The following SLC16A10 variants were observed in gnomAD, a reference collection of about 807,000 sequenced individuals.
SLC16A10 encodes the protein solute carrier family 16 member 10, also known as monocarboxylate transporter 10.
Under a neutral mutation model 40.0 loss-of-function variants are expected in SLC16A10, and 27 were observed. The ratio of observed to expected loss-of-function variants is 0.67; its 90% CI spans 0.50 to 0.93. SLC16A10 has a LOEUF of 0.93. Ranked by LOEUF, SLC16A10 falls within the 40% of genes least tolerant of loss-of-function variation. The pLI, the probability that SLC16A10 is intolerant of heterozygous loss-of-function variation, is 0.00. For missense variants in SLC16A10, 529 were observed against 658.2 expected, an observed-to-expected ratio of 0.80 and a Z score of 2.15; for synonymous variants, 213 against 249.8, an observed-to-expected ratio of 0.85 and a Z score of 1.39.
Position 111,096,631 on chromosome 6 carries a change from T to C in SLC16A10, c.343+8536T>C, listed in dbSNP as rs1583300111. On this transcript the variant is annotated intron_variant, in intron 1 of 5. Transcript: ENST00000368851. ...AGCAAAAGTAATTCCTCACCTTGCA[T>C]ATAGGAACTAAAAAAAAGTCGATGA... Among the ~76,000 whole-genome samples, 3 of 152,314 alleles carry C rather than the reference T, an allele frequency of 2.0e-5. No individual in the cohort carries two copies. The South Asian group carries it at 6.2e-4, about 32-fold the overall frequency.
chr6:111,130,655 C>T (rs570336521), intron 1 of SLC16A10, among the ~76,000 whole-genome samples: 1 of 152,338 alleles, frequency 6.6e-6, no homozygotes, highest in South Asian at 2.1e-4. Flanking sequence ...TCTGTTTCCT[C>T]GAGTGTGTTA....
At chr6:111,220,388 TC>T (rs1397844079) in intron 5 of SLC16A10, among the ~76,000 whole-genome samples, 1 of 152,232 alleles carries the variant, frequency 6.6e-6, no homozygotes, top group Non-Finnish European at 1.5e-5. Context: ...TATAAAGATG[TC>T]CTATGTTCAG....
chr6:111,179,566 AT>A (rs1484364066), intron 3 of SLC16A10, among the ~76,000 whole-genome samples: 11 of 152,342 alleles, frequency 7.2e-5, no homozygotes, highest in African/African-American at 2.6e-4. Context: ...GCCTAAGGAA[AT>A]TTAATAAGCA....
At chr6:111,114,143 A>G (rs552674688) in intron 1 of SLC16A10, among the ~76,000 whole-genome samples, 200 of 152,144 alleles carry the variant, frequency 1.3e-3, no homozygotes, top group African/African-American at 4.7e-3. Flanking sequence ...GTTTAAGTCA[A>G]GCATTTGAAC....
intron 1 of SLC16A10, among the ~76,000 whole-genome samples, chr6:111,089,946 T>TTTTTTTTTA (rs1562393211): frequency 8.0e-6 from 1 of 124,640 alleles, no homozygotes; most frequent in African/African-American, 3.2e-5. Flanking sequence ...TTTTTTTTTT[T>TTTTTTTTTA]GAGAGAGAGA....
rs374926181 is a variant in SLC16A10 at position 111,218,901 on chromosome 6, A to C, written c.1174A>C (p.Met392Leu). 1.0e-4 allele frequency: 162 copies of C among 1,613,834 alleles called. No individual in the cohort carries two copies. The highest frequency in any genetic ancestry group is 1.3e-4 in the Non-Finnish European group (159 of 1,179,996). Residue 392 changes from methionine (M) to leucine (L), a missense_variant, in exon 5 of 6, where the codon ATG becomes CTG. Coordinates refer to ENST00000368851, the MANE Select transcript of SLC16A10 (RefSeq NM_018593.5). Reference sequence around the variant, plus strand: ...GGCCCTCATTGCTGTGTGCCTCATCATGGGTCTCTTCGATGGATGCTTCAT... The same window carrying C: ...GGCCCTCATTGCTGTGTGCCTCATCCTGGGTCTCTTCGATGGATGCTTCAT... Reference protein sequence around the residue: ...FGALIAVCLIMGLFDGCFISI... With the variant: ...FGALIAVCLILGLFDGCFISI...
chr6:111,122,146 A>G (rs1771595454), intron 1 of SLC16A10, among the ~76,000 whole-genome samples: 1 of 152,018 alleles, frequency 6.6e-6, no homozygotes, highest in African/African-American at 2.4e-5. Context: ...GGCGTCTGTG[A>G]CTCACAGTGT....
intron 1 of SLC16A10, among the ~76,000 whole-genome samples, chr6:111,131,132 G>A (rs1490766460): frequency 5.3e-5 from 8 of 152,120 alleles, no homozygotes; most frequent in African/African-American, 7.2e-5. Context: ...CTGAGCTTTC[G>A]CTCGCTGTCC....
chr6:111,104,857 G>A (rs1436901675), intron 1 of SLC16A10, among the ~76,000 whole-genome samples: 1 of 151,502 alleles, frequency 6.6e-6, no homozygotes, highest in Non-Finnish European at 1.5e-5. Context: ...GCCGCACTGA[G>A]ATGGCCACTG....
chr6:111,212,238 G>C (rs1213009452), intron 4 of SLC16A10, among the ~76,000 whole-genome samples: 1 of 152,130 alleles, frequency 6.6e-6, no homozygotes, highest in African/African-American at 2.4e-5. Context: ...CTTGGTGGCA[G>C]GTTATGTAAA....
chr6:111,186,380 G>A lies in SLC16A10; in HGVS notation c.942+8715G>A, dbSNP rs1457441368. ...TTGAGGAACCTAAATTAGCCAATTA[G>A]ATAAGGGTCCTTTCATGTTTTTATA... is the stretch of plus-strand genomic sequence containing the variant. On this transcript the variant is annotated intron_variant, in intron 3 of 5. Coordinates refer to ENST00000368851, the MANE Select transcript of SLC16A10 (RefSeq NM_018593.5). Among the ~76,000 whole-genome samples, 3 of 152,230 alleles carry A rather than the reference G, an allele frequency of 2.0e-5. No individual in the cohort carries two copies. In the East Asian group the frequency reaches 5.8e-4, roughly 29 times the overall value.
chr6:111,221,937 G>A (rs1034351480), intron 5 of SLC16A10, 66 bp from the exon 6 acceptor site: 11 of 1,475,546 alleles, frequency 7.5e-6, no homozygotes, highest in Middle Eastern at 3.5e-4. Flanking sequence ...TCAGTCCTGT[G>A]GCTGATCTAG....
At chr6:111,117,758 GA>G (rs1771514552) in intron 1 of SLC16A10, among the ~76,000 whole-genome samples, 1 of 152,168 alleles carries the variant, frequency 6.6e-6, no homozygotes, top group African/African-American at 2.4e-5. Flanking sequence ...GGAGAGAATA[GA>G]AAAACTAATA....
intron 1 of SLC16A10, among the ~76,000 whole-genome samples, chr6:111,096,861 C>T (rs1370100191): frequency 6.6e-6 from 1 of 152,056 alleles, no homozygotes; most frequent in African/African-American, 2.4e-5. Flanking sequence ...CTCTCTTGCT[C>T]AGACTGGAGT....
intron 3 of SLC16A10, among the ~76,000 whole-genome samples, chr6:111,183,941 C>T (rs543292247): frequency 6.6e-6 from 1 of 152,214 alleles, no homozygotes; most frequent in South Asian, 2.1e-4. Context: ...GAGCATAGGG[C>T]CTCGTGAGAT....
chr6:111,144,765 G>T (rs1408083598), intron 1 of SLC16A10, among the ~76,000 whole-genome samples: 1 of 152,182 alleles, frequency 6.6e-6, no homozygotes, highest in African/African-American at 2.4e-5. Flanking sequence ...AAGATTTCTT[G>T]TTGAATACTT....
chr6:111,193,554 T>C (rs1443714812), intron 3 of SLC16A10, among the ~76,000 whole-genome samples: 1 of 152,148 alleles, frequency 6.6e-6, no homozygotes, highest in Non-Finnish European at 1.5e-5. Flanking sequence ...ACAGAAGAAA[T>C]CTAGAGAACT....
At chr6:111,218,126 TA>T (rs569538808) in intron 4 of SLC16A10, among the ~76,000 whole-genome samples, 21 of 151,410 alleles carry the variant, frequency 1.4e-4, no homozygotes, top group East Asian at 3.9e-4. Context: ...TTTTAAAGGT[TA>T]AAAAAAAATC....
chr6:111,193,557 A>G (rs1046195892), intron 3 of SLC16A10, among the ~76,000 whole-genome samples: 1 of 152,250 alleles, frequency 6.6e-6, no homozygotes, highest in Non-Finnish European at 1.5e-5. Flanking sequence ...GAAGAAATCT[A>G]GAGAACTGAT....
Sources: gnomAD v4.1 joint callset for allele counts (sites outside exome capture counted in the v4.1 genomes callset) on GRCh38, gnomAD v4.1.1 for gene constraint, MANE v1.5 for transcripts, NCBI Gene and HGNC (gene_info 2026-07-23, HGNC 2026-07-21) for gene names.